The following MIGA2 variants were observed in gnomAD, a reference collection of about 807,000 sequenced individuals.
The protein encoded by MIGA2 is mitoguardin 2.
In MIGA2, 36 loss-of-function variants were observed where a neutral mutation model predicts 69.9. The observed-to-expected ratio is 0.52, with a 90% CI of 0.39 to 0.68. The LOEUF (loss-of-function observed/expected upper bound fraction) is 0.68, where lower values mean the gene tolerates loss of function less well. Ranked by LOEUF, MIGA2 falls within the 30% of genes least tolerant of loss-of-function variation. MIGA2 has a pLI of 0.00. For missense variants in MIGA2, 660 were observed against 787.7 expected (o/e 0.84, Z 1.94); for synonymous variants, 333 against 349.2 (o/e 0.95, Z 0.52).
At chr9:129,045,864 G>GT (rs1048709204) in intron 3 of MIGA2, among the ~76,000 whole-genome samples, 15 of 149,002 alleles carry the variant, frequency 1.0e-4, no homozygotes, top group Admixed American at 2.7e-4. Context: ...TTTTTTTTTG[G>GT]TTTTTTTTTA....
At chr9:129,052,533 T>C (rs1051814818) in intron 6 of MIGA2, among the ~76,000 whole-genome samples, 1 of 152,044 alleles carries the variant, frequency 6.6e-6, no homozygotes, top group East Asian at 1.9e-4. Flanking sequence ...TCCCAGCACT[T>C]TGGGAGGCCG....
intron 1 of MIGA2, among the ~76,000 whole-genome samples, chr9:129,039,175 T>TTGTG (rs61426484): frequency 0.18 from 25,188 of 139,724 alleles, 2,294 homozygotes; most frequent in Non-Finnish European, 0.23. Flanking sequence ...AGCTCTTTGT[T>TTGTG]TGTGTGTGTG....
intron 6 of MIGA2, among the ~76,000 whole-genome samples, chr9:129,055,322 C>T (rs1055815097): frequency 6.6e-6 from 1 of 152,050 alleles, no homozygotes; most frequent in Admixed American, 6.6e-5. Context: ...AGGTGATCCA[C>T]CTGCCTCGGC....
Position 129,060,460 on chromosome 9 carries a change from T to C in MIGA2, c.794-90T>C. ...CACAGGCTCGGGATGAAGCCTCCCC[T>C]GGGCCTGATGGGGGACTTCGTGTAC... On this transcript the variant is annotated intron_variant, in intron 7 of 15. Transcript: ENST00000684074. This position sits in a 1 kb window ranked among gnomAD's most constrained non-coding sequence, Gnocchi z 4.8. The C allele has an allele frequency of 3.8e-6, 4 of 1,065,508 alleles. No homozygotes were observed. Among genetic ancestry groups the C allele is most frequent in the Non-Finnish European group, 5.5e-6 (4 of 728,280 alleles). 66.0% of individuals were successfully genotyped at this position (1,065,508 alleles called of 1,614,324 possible).
chr9:129,040,706 G>A lies in MIGA2; in HGVS notation c.96+16G>A. The A allele has an allele frequency of 6.2e-7, 1 of 1,608,968 alleles. No homozygotes were observed. The highest frequency in any genetic ancestry group is 1.7e-4 in the Middle Eastern group (1 of 6,044). ...GTTTGGGCAGGTAAGGATCAGGGTG[G>A]GTTGTACCTCTGGTCTATGAAACAC... On this transcript the variant is annotated intron_variant, in intron 2 of 15. Coordinates refer to ENST00000684074, the MANE Select transcript of MIGA2 (RefSeq NM_001329990.2).
In MIGA2 at chr9:129,059,131, G is replaced by A. The variant is rs757122243; in HGVS notation, c.676-23G>A. ...ATCGGGAGCTTTGAGGGTCTGGGTT[G>A]AGGGTCCTTGTTTTTATGGCAGCCA... On this transcript the variant is annotated intron_variant, in intron 6 of 15. Coordinates refer to ENST00000684074, the MANE Select transcript of MIGA2 (RefSeq NM_001329990.2). This position sits in a 1 kb window ranked among gnomAD's most constrained non-coding sequence, Gnocchi z 5.6. 4 of 1,608,596 alleles carry A rather than the reference G, an allele frequency of 2.5e-6. No homozygotes were observed. The highest frequency in any genetic ancestry group is 2.6e-6 in the Non-Finnish European group (3 of 1,175,154).
At position 129,066,679 on chromosome 9, in the gene MIGA2, G is replaced by C. The variant is rs182168454; in HGVS notation, c.1171-1094G>C. 5.4e-3 allele frequency among the ~76,000 whole-genome samples: 785 copies of C among 145,460 alleles called. 18 individuals are homozygous for C. Among genetic ancestry groups the C allele is most frequent in the African/African-American group, 0.019 (739 of 38,106 alleles). ...ACCAAAAAAAAAAAAAAAAAGAAAG[G>C]CTGGGCGTAGTGGCTCATGCCTGTA... On this transcript the variant is annotated intron_variant, in intron 11 of 15. Transcript: ENST00000684074.
At chr9:129,066,101 C>T (rs926263860) in intron 11 of MIGA2, among the ~76,000 whole-genome samples, 9 of 152,170 alleles carry the variant, frequency 5.9e-5, no homozygotes, top group Admixed American at 2.6e-4. Context: ...TTCTTCACTG[C>T]GGGGAGTTCA....
rs775251905 is a variant in MIGA2, at chr9:129,040,566, A to T, written c.-29A>T. The T allele has an allele frequency of 6.2e-7, 1 of 1,600,892 alleles. No individual in the cohort carries two copies. The highest frequency in any genetic ancestry group is 1.1e-5 in the South Asian group (1 of 89,992). On this transcript the variant is annotated 5_prime_UTR_variant, in exon 2 of 16. An upstream open reading frame in the 5' UTR loses its in-frame stop. Transcript: ENST00000684074. ...TTCTCCTTGGAAGCTCTTGGCCCTG[A>T]GGACTTTGCCTGGGGCATTGGCCCT...
Position 129,065,074 on chromosome 9 carries a change from C to T in MIGA2, c.1170+1443C>T, listed in dbSNP as rs1256659402. On this transcript the variant is annotated intron_variant, in intron 11 of 15. Transcript: ENST00000684074. ...CTGGGATTATAGATGTGAGCCACCA[C>T]ACCTGTCCTCAATCTTTTTTTTTTT... Among the ~76,000 whole-genome samples, 3 of 151,946 alleles carry T rather than the reference C, an allele frequency of 2.0e-5. No individual in the cohort carries two copies. The South Asian group carries it at 6.3e-4, about 32-fold the overall frequency.
chr9:129,044,260 G>A (rs890570860), intron 3 of MIGA2, among the ~76,000 whole-genome samples: 2 of 151,944 alleles, frequency 1.3e-5, no homozygotes, highest in African/African-American at 4.8e-5. Context: ...CCAAAGTGCT[G>A]GGAGCCAGGC....
chr9:129,059,095 G>A lies in MIGA2; in HGVS notation c.676-59G>A. The A allele has an allele frequency of 3.3e-6, 5 of 1,494,268 alleles. No homozygotes were observed. The highest frequency in any genetic ancestry group is 4.7e-6 in the Non-Finnish European group (5 of 1,073,250). The allele number at this position is 1,494,268 out of a possible 1,614,324, so 92.6% of individuals were successfully genotyped here. A position where few individuals can be genotyped will look rare whatever the true frequency, so the allele number is the denominator to read the frequency against. On this transcript the variant is annotated intron_variant, in intron 6 of 15. Transcript: ENST00000684074. The surrounding 1 kb of genome is among the most constrained non-coding windows in gnomAD (Gnocchi z 5.6). ...CCCAGGGACCTGGGGGTGAGGGAAG[G>A]GGCCATTTTCATCGGGAGCTTTGAG...
In MIGA2 at chr9:129,044,677, C is replaced by T. The variant is rs1351020610; in HGVS notation, c.307+2163C>T. Among the ~76,000 whole-genome samples, 3 of 152,050 alleles carry T rather than the reference C, an allele frequency of 2.0e-5. No homozygotes were observed. In the East Asian group the frequency reaches 5.8e-4, roughly 30 times the overall value. On this transcript the variant is annotated intron_variant, in intron 3 of 15. Coordinates refer to ENST00000684074, the MANE Select transcript of MIGA2 (RefSeq NM_001329990.2). ...AAGCGATTCTCCTGCCTCAGCCTCC[C>T]GAGTAGCTGGAATTACAGGCATGAG...
At position 129,069,782 on chromosome 9, in the gene MIGA2, C is replaced by A; in HGVS notation, c.1459-67C>A. On this transcript the variant is annotated intron_variant, in intron 14 of 15. Coordinates refer to ENST00000684074, the MANE Select transcript of MIGA2 (RefSeq NM_001329990.2). The surrounding 1 kb of genome is among the most constrained non-coding windows in gnomAD (Gnocchi z 4.9). ...CTCTAAAGCCCAGCCCTTTATGCGA[C>A]ACCTGGGCCTGGTGCCCTCATCCTA... The A allele has an allele frequency of 9.3e-7, 1 of 1,073,062 alleles. No homozygotes were observed. Among genetic ancestry groups the A allele is most frequent in the Non-Finnish European group, 1.4e-6 (1 of 689,962 alleles). 66.5% of individuals were successfully genotyped at this position (1,073,062 alleles called of 1,614,324 possible). A position where few individuals can be genotyped will look rare whatever the true frequency, so the allele number is the denominator to read the frequency against.
intron 6 of MIGA2, among the ~76,000 whole-genome samples, chr9:129,053,386 G>A (rs1213642844): frequency 2.0e-5 from 3 of 149,642 alleles, no homozygotes; most frequent in Non-Finnish European, 4.4e-5. Flanking sequence ...TTTTTGAGAC[G>A]GAGTTTCGCT....
At position 129,045,896 on chromosome 9, in the gene MIGA2, C is replaced by T. The variant is rs567156101; in HGVS notation, c.308-2531C>T. 9.2e-5 allele frequency among the ~76,000 whole-genome samples: 14 copies of T among 151,538 alleles called. No individual in the cohort carries two copies. In the East Asian group the frequency reaches 2.3e-3, roughly 25 times the overall value. ...TTTAGACGGAGTCTTGCTCTGTCGC[C>T]AGGCTGGAGTGCAGTGGTGCCATCT... On this transcript the variant is annotated intron_variant, in intron 3 of 15. Transcript: ENST00000684074.
chr9:129,040,775 G>C lies in MIGA2; in HGVS notation c.96+85G>C, dbSNP rs1019665715. 3.1e-6 allele frequency: 4 copies of C among 1,277,554 alleles called. No homozygotes were observed. The African/African-American group carries it at 5.9e-5, about 19-fold the overall frequency. 79.1% of individuals were successfully genotyped at this position (1,277,554 alleles called of 1,614,324 possible). On this transcript the variant is annotated intron_variant, in intron 2 of 15. Transcript: ENST00000684074. ...GCTCCTCCGTGTCCAGGAACGCTGAGCCCTCGTTCTTGCTTTGCCAAACCT... is the reference window on the plus strand; with the variant it reads ...GCTCCTCCGTGTCCAGGAACGCTGACCCCTCGTTCTTGCTTTGCCAAACCT...
rs1846446423 is a variant in MIGA2 at position 129,067,886 on chromosome 9, G to A, written c.1269+15G>A. On this transcript the variant is annotated intron_variant, in intron 12 of 15. Transcript: ENST00000684074. ...AGGGCCGAGGGGTGAGTTGCTTTGT[G>A]CTGAACCCCGACATCCCGGGCTCCC... 1 of 1,605,626 alleles carries A rather than the reference G, an allele frequency of 6.2e-7. No homozygotes were observed. Among genetic ancestry groups the A allele is most frequent in the Non-Finnish European group, 8.5e-7 (1 of 1,176,340 alleles).
chr9:129,065,946 A>G (rs1846318406), intron 11 of MIGA2, among the ~76,000 whole-genome samples: 1 of 152,162 alleles, frequency 6.6e-6, no homozygotes. Flanking sequence ...AGTTAGCTCC[A>G]TGAGGGCCAG....
Sources: allele counts gnomAD v4.1 joint callset (sites outside exome capture counted in the v4.1 genomes callset), GRCh38; gene constraint gnomAD v4.1.1; non-coding constraint Gnocchi (gnomAD v3.1); transcripts MANE v1.5; gene names NCBI Gene and HGNC (gene_info 2026-07-23, HGNC 2026-07-21).